The following EDA variants were observed in gnomAD, a reference collection of about 807,000 sequenced individuals.
EDA encodes ectodysplasin A.
In EDA, 2 loss-of-function variants were observed where a neutral mutation model predicts 23.6. The ratio of observed to expected loss-of-function variants is 0.08; its 90% confidence interval spans 0.03 to 0.27. EDA has a LOEUF of 0.27. EDA is among the 10% of genes least tolerant of loss of function. The pLI is 1.00. For synonymous variants in EDA, 131 were observed against 132.0 expected (o/e 0.99, Z 0.05); for missense variants, 229 against 324.2 (o/e 0.71, Z 2.26).
chrX:69,768,412 C>T (rs951551827), intron 1 of EDA, among the ~76,000 whole-genome samples: 5 of 111,317 alleles, frequency 4.5e-5, no homozygotes, highest in Non-Finnish European at 9.5e-5. Context: ...TATTTTTTTG[C>T]ATATGGATAT....
At chrX:69,903,935 C>T (rs533790318) in intron 1 of EDA, among the ~76,000 whole-genome samples, 5 of 110,013 alleles carry the variant, frequency 4.5e-5, no homozygotes, top group Middle Eastern at 4.7e-3. Flanking sequence ...CTCAGTCTCC[C>T]GAGTAGCTGG....
intron 2 of EDA, 22 bp from the exon 3 acceptor site, chrX:70,023,196 A>G (rs372216946): frequency 4.7e-5 from 47 of 1,005,098 alleles, no homozygotes; most frequent in Non-Finnish European, 5.9e-5. Context: ...TGACTTAATT[A>G]TCTATTTTAT....
chrX:69,703,608 G>C (rs1425760106), intron 1 of EDA, among the ~76,000 whole-genome samples: 1 of 112,170 alleles, frequency 8.9e-6, no homozygotes, highest in Non-Finnish European at 1.9e-5. Context: ...ATAGTCTCCT[G>C]TAAACAGAAA....
chrX:70,004,244 A>G (rs2019773252), intron 2 of EDA, among the ~76,000 whole-genome samples: 1 of 111,669 alleles, frequency 9.0e-6, no homozygotes, highest in Non-Finnish European at 1.9e-5. Flanking sequence ...TCATAACTTA[A>G]GTTTGTGGAG....
At chrX:69,833,878 G>A (rs1463885670) in intron 1 of EDA, among the ~76,000 whole-genome samples, 3 of 109,467 alleles carry the variant, frequency 2.7e-5, no homozygotes, top group Non-Finnish European at 5.7e-5. Flanking sequence ...ACGTATACAG[G>A]TGCCATGTTA....
At chrX:70,010,817 C>CA (rs1172714196) in intron 2 of EDA, among the ~76,000 whole-genome samples, 3 of 110,282 alleles carry the variant, frequency 2.7e-5, no homozygotes, top group Non-Finnish European at 3.8e-5. Context: ...GAGAGCCAAG[C>CA]AAAAAGGGGT....
At chrX:69,963,817 A>G (rs2019138389) in intron 2 of EDA, among the ~76,000 whole-genome samples, 1 of 111,571 alleles carries the variant, frequency 9.0e-6, no homozygotes, top group African/African-American at 3.3e-5. Flanking sequence ...AATTGGGTAT[A>G]GAGGTTAAAG....
chrX:70,032,647 C>T (rs989291069), intron 6 of EDA, among the ~76,000 whole-genome samples: 2 of 111,413 alleles, frequency 1.8e-5, no homozygotes, highest in Non-Finnish European at 3.8e-5. Flanking sequence ...CTGCCCCCTC[C>T]ACCCCTGCCT....
intron 1 of EDA, among the ~76,000 whole-genome samples, chrX:69,752,113 G>A (rs1214222637): frequency 9.0e-6 from 1 of 111,296 alleles, no homozygotes; most frequent in Non-Finnish European, 1.9e-5. Context: ...CCAACACTAT[G>A]TTGAATAGGA....
chrX:69,904,137 C>T (rs1441948818), intron 1 of EDA, among the ~76,000 whole-genome samples: 1 of 111,612 alleles, frequency 9.0e-6, no homozygotes, highest in African/African-American at 3.3e-5. Context: ...TACAGGCACA[C>T]AATGTGTAAT....
chrX:69,946,661 C>A (rs775177225), intron 1 of EDA, among the ~76,000 whole-genome samples: 1 of 111,102 alleles, frequency 9.0e-6, no homozygotes, highest in Non-Finnish European at 1.9e-5. Flanking sequence ...TTCCCCTCCC[C>A]CAAGTTCTGA....
At chrX:69,658,553 T>C (rs1933392019) in intron 1 of EDA, among the ~76,000 whole-genome samples, 1 of 111,213 alleles carries the variant, frequency 9.0e-6, no homozygotes, top group South Asian at 3.8e-4. Flanking sequence ...AGTTCATTCA[T>C]TCCCTTCCTT....
intron 1 of EDA, among the ~76,000 whole-genome samples, chrX:69,930,176 A>G (rs766883641): frequency 1.4e-4 from 16 of 111,819 alleles, no homozygotes; most frequent in Admixed American, 3.8e-4. Flanking sequence ...ACTAGCAAAC[A>G]GTGAATAGTG....
intron 1 of EDA, among the ~76,000 whole-genome samples, chrX:69,757,103 A>T (rs5980846): frequency 0.2 from 21,619 of 110,617 alleles, 1,623 homozygotes; most frequent in African/African-American, 0.24. Context: ...TTAAGGGGAG[A>T]TCAATTAGTG....
At chrX:69,981,714 A>G (rs2019410569) in intron 2 of EDA, among the ~76,000 whole-genome samples, 1 of 112,337 alleles carries the variant, frequency 8.9e-6, no homozygotes, top group African/African-American at 3.2e-5. Context: ...TGTGCTTTAC[A>G]TCATTGAATT....
intron 1 of EDA, among the ~76,000 whole-genome samples, chrX:69,720,341 C>G (rs1271198516): frequency 3.6e-5 from 4 of 111,491 alleles, no homozygotes; most frequent in Non-Finnish European, 7.5e-5. Flanking sequence ...TATGGTGTGT[C>G]TTAGCATGGA....
chrX:69,850,375 A>T (rs1012452765), intron 1 of EDA, among the ~76,000 whole-genome samples: 1 of 111,895 alleles, frequency 8.9e-6, no homozygotes, highest in Non-Finnish European at 1.9e-5. Context: ...AGCCTCTGTC[A>T]TTTTCTCAAA....
chrX:69,678,369 G>A (rs1934188331), intron 1 of EDA, among the ~76,000 whole-genome samples: 1 of 111,507 alleles, frequency 9.0e-6, no homozygotes, highest in Non-Finnish European at 1.9e-5. Flanking sequence ...AAAGTCATTG[G>A]TAGCTTGATG....
At chrX:69,634,240 TA>T in intron 1 of EDA, among the ~76,000 whole-genome samples, 1 of 112,298 alleles carries the variant, frequency 8.9e-6, no homozygotes, top group South Asian at 3.7e-4. Context: ...GTTCTTAATG[TA>T]TTCTGCATAC....
Sources: gnomAD v4.1 joint callset for allele counts (sites outside exome capture counted in the v4.1 genomes callset) on GRCh38, gnomAD v4.1.1 for gene constraint, MANE v1.5 for transcripts, NCBI Gene and HGNC (gene_info 2026-07-23, HGNC 2026-07-21) for gene names.